LITAF: variants seen among roughly 807,000 people sequenced by gnomAD.
The protein encoded by LITAF is lipopolysaccharide induced TNF factor, also known as lipopolysaccharide-induced tumor necrosis factor-alpha factor.
LITAF carries 9 observed loss-of-function variants against 14.5 expected under a neutral mutation model. The observed-to-expected ratio is 0.62, with a 90% CI of 0.37 to 1.08. The LOEUF (loss-of-function observed/expected upper bound fraction) is 1.08. Among genes scored for constraint, LITAF ranks in the 50% least tolerant of loss-of-function variants. LITAF has a pLI of 0.01. For missense variants in LITAF, 206 were observed against 213.4 expected (o/e 0.97, Z 0.22); for synonymous variants, 98 against 88.2 (o/e 1.11, Z -0.62).
chr16:11,610,289 G>GC (rs2064975524), intron 3 of LITAF, among the ~76,000 whole-genome samples: 1 of 152,224 alleles, frequency 6.6e-6, no homozygotes. Flanking sequence ...TTCAGGACCT[G>GC]CCCCCGCAGG....
At chr16:11,638,701 C>CAAAAAAAAAAAAAAAAAAA, upstream of LITAF, among the ~76,000 whole-genome samples, 1 of 75,966 alleles carries the variant, frequency 1.3e-5, no homozygotes, top group African/African-American at 3.5e-5. Context: ...GACTCTGTCT[C>CAAAAAAAAAAAAAAAAAAA]AAAAAAAAAA....
At chr16:11,577,144 G>T (rs772154457) in intron 1 of LITAF, among the ~76,000 whole-genome samples, 1 of 152,014 alleles carries the variant, frequency 6.6e-6, no homozygotes, top group South Asian at 2.1e-4. Context: ...ACCATATTAC[G>T]TTACTCTCTG....
upstream of LITAF, among the ~76,000 whole-genome samples, chr16:11,639,555 T>C (rs982732855): frequency 1.3e-5 from 2 of 152,140 alleles, no homozygotes; most frequent in East Asian, 1.9e-4. Context: ...ATTCCCCGTA[T>C]AGTTCTTTCA....
intron 3 of LITAF, among the ~76,000 whole-genome samples, chr16:11,603,816 G>T (rs995663751): frequency 6.7e-6 from 1 of 150,230 alleles, no homozygotes; most frequent in African/African-American, 2.5e-5. Flanking sequence ...AGGCTGAGGC[G>T]GGCGGATCAC....
chr16:11,625,124 T>A (rs2065075799), intron 3 of LITAF, among the ~76,000 whole-genome samples: 1 of 152,168 alleles, frequency 6.6e-6, no homozygotes, highest in East Asian at 1.9e-4. Flanking sequence ...CCTCCCCATG[T>A]GGTTCTGGTT....
At chr16:11,589,923 C>CCACACGTTCTGATTTT (rs1597362996), upstream of LITAF, among the ~76,000 whole-genome samples, 26 of 117,402 alleles carry the variant, frequency 2.2e-4, no homozygotes, top group Admixed American at 5.8e-4. Context: ...CACACCCAGC[C>CCACACGTTCTGATTTT]AGTTGCATTT....
intron 1 of LITAF, among the ~76,000 whole-genome samples, chr16:11,573,196 C>A (rs1437189575): frequency 6.6e-6 from 1 of 152,060 alleles, no homozygotes; most frequent in Non-Finnish European, 1.5e-5. Context: ...TCCCAAAGGC[C>A]AGGGGTTACA....
At chr16:11,638,402 G>C (rs1181831263), upstream of LITAF, among the ~76,000 whole-genome samples, 1 of 151,844 alleles carries the variant, frequency 6.6e-6, no homozygotes, top group East Asian at 1.9e-4. Context: ...CTCAAACTCA[G>C]AGGGAAAAAA....
rs920198380 is a variant in LITAF, at chr16:11,632,202, A to G, written c.85+1331T>C. On this transcript the variant is annotated intron_variant, in intron 3 of 3. Transcript: ENST00000574848. The surrounding 1 kb of genome is among the most constrained non-coding windows in gnomAD (Gnocchi z 4.8). ...CCTATTTTCAAATCAGGTCACCTTCACAAGTGCTGGGAGTTACGTCGTGGA... is the reference window on the plus strand; with the variant it reads ...CCTATTTTCAAATCAGGTCACCTTCGCAAGTGCTGGGAGTTACGTCGTGGA... Among the ~76,000 whole-genome samples the G allele has an allele frequency of 6.6e-6, 1 of 152,096 alleles. No individual in the cohort carries two copies. Among genetic ancestry groups the G allele is most frequent in the African/African-American group, 2.4e-5 (1 of 41,414 alleles).
At chr16:11,589,923 C>CCACACGTTCTG (rs1597362996), upstream of LITAF, among the ~76,000 whole-genome samples, 49 of 117,332 alleles carry the variant, frequency 4.2e-4, no homozygotes, top group East Asian at 1.2e-3. Context: ...CACACCCAGC[C>CCACACGTTCTG]AGTTGCATTT....
intron 1 of LITAF, among the ~76,000 whole-genome samples, chr16:11,596,882 C>T (rs1254127050): frequency 6.6e-6 from 1 of 151,886 alleles, no homozygotes; most frequent in African/African-American, 2.4e-5. Context: ...TGAGTACCCA[C>T]TGGGTGCCAG....
At chr16:11,575,227 A>T (rs1220254007) in intron 1 of LITAF, among the ~76,000 whole-genome samples, 2 of 152,132 alleles carry the variant, frequency 1.3e-5, no homozygotes, top group African/African-American at 4.8e-5. Flanking sequence ...GGACCCATAT[A>T]GGGAGGCAAA....
intron 1 of LITAF, among the ~76,000 whole-genome samples, chr16:11,595,622 G>C (rs2064879695): frequency 6.6e-6 from 1 of 152,164 alleles, no homozygotes; most frequent in African/African-American, 2.4e-5. Context: ...CCAGCTACTT[G>C]GGAGGCTGAG....
intron 3 of LITAF, among the ~76,000 whole-genome samples, chr16:11,616,369 C>G (rs1034512247): frequency 6.6e-6 from 1 of 151,836 alleles, no homozygotes; most frequent in Non-Finnish European, 1.5e-5. Flanking sequence ...CCCAGCTACT[C>G]AGAAGGCTGA....
intron 3 of LITAF, among the ~76,000 whole-genome samples, chr16:11,619,534 G>A (rs1447969037): frequency 6.6e-6 from 1 of 152,004 alleles, no homozygotes; most frequent in Non-Finnish European, 1.5e-5. Flanking sequence ...ACAGCCACAG[G>A]GCATTCTTGG....
chr16:11,581,923 T>C (rs550821221), intron 1 of LITAF, among the ~76,000 whole-genome samples: 4 of 152,252 alleles, frequency 2.6e-5, no homozygotes, highest in African/African-American at 9.6e-5. Flanking sequence ...CTGTGGTTAC[T>C]GGAGGTTACA....
At chr16:11,579,768 T>G (rs1224469165) in intron 1 of LITAF, among the ~76,000 whole-genome samples, 1 of 152,180 alleles carries the variant, frequency 6.6e-6, no homozygotes, top group Non-Finnish European at 1.5e-5. Context: ...TCAAAAATTA[T>G]GCCAAAATTA....
intron 1 of LITAF, among the ~76,000 whole-genome samples, chr16:11,577,139 A>G (rs1182769436): frequency 6.6e-6 from 1 of 151,998 alleles, no homozygotes; most frequent in East Asian, 1.9e-4. Flanking sequence ...ACTGGACCAT[A>G]TTACGTTACT....
intron 1 of LITAF, among the ~76,000 whole-genome samples, chr16:11,573,427 T>C (rs979367322): frequency 2.0e-5 from 3 of 152,126 alleles, no homozygotes; most frequent in Non-Finnish European, 4.4e-5. Flanking sequence ...CCTCCAGAAA[T>C]GTGTGCTGGC....
Sources: allele counts gnomAD v4.1 joint callset (sites outside exome capture counted in the v4.1 genomes callset), GRCh38; gene constraint gnomAD v4.1.1; non-coding constraint Gnocchi (gnomAD v3.1); transcripts MANE v1.5; gene names NCBI Gene and HGNC (gene_info 2026-07-23, HGNC 2026-07-21).